Variants in GRIK4 observed in about 807,000 individuals in gnomAD.
The protein encoded by GRIK4 is glutamate ionotropic receptor kainate type subunit 4.
A neutral mutation model predicts 104.9 loss-of-function variants in GRIK4; 40 were observed. The observed-to-expected ratio is 0.38, with a 90% CI of 0.30 to 0.50. The LOEUF (loss-of-function observed/expected upper bound fraction) is 0.50. Ranked by LOEUF, GRIK4 falls within the 20% of genes least tolerant of loss-of-function variation. The pLI is 0.93. For synonymous variants in GRIK4, 485 were observed against 524.9 expected (o/e 0.92, Z 1.04); for missense variants, 1,047 against 1,308.1 (o/e 0.80, Z 3.08).
At chr11:120,515,588 C>T (rs1591667693) in intron 1 of GRIK4, among the ~76,000 whole-genome samples, 1 of 152,238 alleles carries the variant, frequency 6.6e-6, no homozygotes, top group African/African-American at 2.4e-5. Context: ...GTCCGTTTGT[C>T]TCCCCACCCA....
intron 3 of GRIK4, among the ~76,000 whole-genome samples, chr11:120,717,367 C>G (rs1295639357): frequency 1.3e-5 from 2 of 152,140 alleles, no homozygotes; most frequent in East Asian, 3.9e-4. Context: ...TTACTGCCCC[C>G]TGGGGCTTCT....
intron 1 of GRIK4, among the ~76,000 whole-genome samples, chr11:120,595,190 C>T (rs547227565): frequency 1.3e-5 from 2 of 152,344 alleles, no homozygotes; most frequent in South Asian, 4.1e-4. Flanking sequence ...GCCTTGCAGC[C>T]CGTGGTCGTG....
intron 13 of GRIK4, among the ~76,000 whole-genome samples, chr11:120,913,981 T>G (rs1408212383): frequency 6.6e-6 from 1 of 152,240 alleles, no homozygotes; most frequent in Non-Finnish European, 1.5e-5. Context: ...AAGATACTGA[T>G]CCAGGGGCCA....
At chr11:120,583,177 T>A (rs1948611518) in intron 1 of GRIK4, among the ~76,000 whole-genome samples, 1 of 152,248 alleles carries the variant, frequency 6.6e-6, no homozygotes, top group Admixed American at 6.5e-5. Context: ...GTTGATGTCC[T>A]TTGCCCACTT....
chr11:120,675,707 T>G (rs577372903), intron 3 of GRIK4, among the ~76,000 whole-genome samples: 36 of 152,296 alleles, frequency 2.4e-4, no homozygotes, highest in African/African-American at 7.9e-4. Context: ...GCAAATTATT[T>G]GGTCTCTGTT....
chr11:120,831,744 C>T, intron 6 of GRIK4, 108 bp from the exon 7 acceptor site: 1 of 773,300 alleles, frequency 1.3e-6, no homozygotes, highest in East Asian at 2.5e-5. Flanking sequence ...GGGCCAGACC[C>T]CCCGACCCCA....
rs561498809 is a variant in GRIK4 at position 120,839,490 on chromosome 11, A to G, written c.744+2646A>G. Among the ~76,000 whole-genome samples, 48 of 152,332 alleles carry G rather than the reference A, an allele frequency of 3.2e-4. 2 individuals are homozygous for G. In the South Asian group the frequency reaches 7.9e-3, roughly 25 times the overall value. On this transcript the variant is annotated intron_variant, in intron 8 of 20. Transcript: ENST00000527524. ...CTCGGGAGATAATGTACACATAGCA[A>G]TGGACTCACAATACGAGTTTATTTA...
At chr11:120,741,171 T>C (rs920644694) in intron 3 of GRIK4, among the ~76,000 whole-genome samples, 2 of 151,994 alleles carry the variant, frequency 1.3e-5, no homozygotes, top group Admixed American at 6.6e-5. Flanking sequence ...CCACTCACAA[T>C]ATCCTCCACT....
At chr11:120,564,041 G>A (rs1277865641) in intron 1 of GRIK4, among the ~76,000 whole-genome samples, 1 of 152,192 alleles carries the variant, frequency 6.6e-6, no homozygotes. Context: ...TAGGGAGGCA[G>A]TTTATGTAGT....
intron 3 of GRIK4, among the ~76,000 whole-genome samples, chr11:120,687,065 T>A (rs1386304749): frequency 6.6e-6 from 1 of 152,250 alleles, no homozygotes; most frequent in African/African-American, 2.4e-5. Context: ...TAGACTATTA[T>A]GATAATGATA....
chr11:120,780,102 G>A (rs1183866386), intron 3 of GRIK4, among the ~76,000 whole-genome samples: 1 of 152,188 alleles, frequency 6.6e-6, no homozygotes, highest in African/African-American at 2.4e-5. Flanking sequence ...ATACAAATGA[G>A]ACACATGTGT....
intron 1 of GRIK4, among the ~76,000 whole-genome samples, chr11:120,649,636 C>G (rs1432603840): frequency 1.3e-5 from 2 of 152,200 alleles, no homozygotes; most frequent in African/African-American, 4.8e-5. Flanking sequence ...CCATCCCACC[C>G]TCTTCTCCAG....
intron 1 of GRIK4, among the ~76,000 whole-genome samples, chr11:120,573,373 A>T (rs1216089033): frequency 1.3e-5 from 2 of 152,152 alleles, no homozygotes; most frequent in Non-Finnish European, 2.9e-5. Context: ...GATGAAAAAG[A>T]CCTTGGCACG....
intron 8 of GRIK4, among the ~76,000 whole-genome samples, chr11:120,841,689 G>A (rs192614392): frequency 1.3e-5 from 2 of 152,226 alleles, no homozygotes; most frequent in African/African-American, 4.8e-5. Flanking sequence ...AGAAACCACC[G>A]AACATTTTCC....
At chr11:120,895,034 A>G (rs1206376872) in intron 11 of GRIK4, among the ~76,000 whole-genome samples, 1 of 152,084 alleles carries the variant, frequency 6.6e-6, no homozygotes, top group Non-Finnish European at 1.5e-5. Context: ...TTGGGGGCTA[A>G]TTAGTCTCTT....
Position 120,874,369 on chromosome 11 carries a change from G to A in GRIK4, c.1059+151G>A, listed in dbSNP as rs536798500. On this transcript the variant is annotated intron_variant, in intron 10 of 20. Transcript: ENST00000527524. Reference sequence around the variant, plus strand: ...AAATCAGTGATCTCTGGTGACCCCAGTTGAATGGATCATGAGCCACATTTG... The same window carrying A: ...AAATCAGTGATCTCTGGTGACCCCAATTGAATGGATCATGAGCCACATTTG... 2.4e-5 allele frequency: 15 copies of A among 634,936 alleles called. 1 individual carries two copies. In the South Asian group the frequency reaches 2.9e-4, roughly 12 times the overall value. The allele number at this position is 634,936 out of a possible 1,614,324, so 39.3% of individuals were successfully genotyped here.
At chr11:120,600,170 C>T (rs1202655192) in intron 1 of GRIK4, among the ~76,000 whole-genome samples, 1 of 152,124 alleles carries the variant, frequency 6.6e-6, no homozygotes. Context: ...GTGGGAGCCC[C>T]TAAGGCCTGC....
intron 1 of GRIK4, among the ~76,000 whole-genome samples, chr11:120,520,739 C>T (rs1185791374): frequency 2.0e-5 from 3 of 152,218 alleles, no homozygotes; most frequent in Non-Finnish European, 2.9e-5. Flanking sequence ...GTCTTGGACT[C>T]TCAGCAACAG....
At chr11:120,806,709 A>G (rs2135518944) in intron 4 of GRIK4, among the ~76,000 whole-genome samples, 1 of 152,306 alleles carries the variant, frequency 6.6e-6, no homozygotes, top group African/African-American at 2.4e-5. Context: ...ACACTTAATG[A>G]ATCCTATTCA....
Sources: gnomAD v4.1 joint callset for allele counts (sites outside exome capture counted in the v4.1 genomes callset) on GRCh38, gnomAD v4.1.1 for gene constraint, MANE v1.5 for transcripts, NCBI Gene and HGNC (gene_info 2026-07-23, HGNC 2026-07-21) for gene names.